CSTPP1: variants seen among roughly 807,000 people sequenced by gnomAD.
CSTPP1 encodes the protein centriolar satellite-associated tubulin polyglutamylase complex regulator 1.
At chr11:47,059,734 G>A in the CSTPP1 span, among the ~76,000 whole-genome samples, 5 of 152,260 alleles carry the variant, frequency 3.3e-5, no homozygotes, top group South Asian at 6.2e-4. Flanking sequence ...TGAGCAAAAT[G>A]TTTACATGTA....
the CSTPP1 span, among the ~76,000 whole-genome samples, chr11:47,068,429 G>A: frequency 2.0e-5 from 3 of 152,098 alleles, no homozygotes; most frequent in African/African-American, 7.2e-5. Context: ...CTACTCAGGA[G>A]GCTGAGGTGG....
the CSTPP1 span, among the ~76,000 whole-genome samples, chr11:46,975,786 GTCTT>G: frequency 6.6e-6 from 1 of 152,314 alleles, no homozygotes; most frequent in South Asian, 2.1e-4. Flanking sequence ...TGATCTGAAA[GTCTT>G]TCAACTTCTT....
At chr11:47,155,391 T>C in the CSTPP1 span, 34 of 832,628 alleles carry the variant, frequency 4.1e-5, no homozygotes, top group African/African-American at 5.4e-4. Flanking sequence ...TGTGCTTCAC[T>C]GCGGGTCGCT....
At chr11:47,033,045 G>T in the CSTPP1 span, among the ~76,000 whole-genome samples, 1 of 152,154 alleles carries the variant, frequency 6.6e-6, no homozygotes, top group Non-Finnish European at 1.5e-5. Context: ...TATTCATTAA[G>T]TTAAAGTGGA....
At chr11:47,058,620 A>G in the CSTPP1 span, among the ~76,000 whole-genome samples, 1 of 152,252 alleles carries the variant, frequency 6.6e-6, no homozygotes, top group Non-Finnish European at 1.5e-5. Flanking sequence ...ATAGCAATTA[A>G]CATTTATTAA....
At chr11:47,014,717 GAGAGAGAAAGAA>G in the CSTPP1 span, among the ~76,000 whole-genome samples, 1 of 136,582 alleles carries the variant, frequency 7.3e-6, no homozygotes, top group Non-Finnish European at 1.6e-5. Flanking sequence ...GAAAGAGAAA[GAGAGAGAAAGAA>G]AGAGAGAGAG....
chr11:47,068,970 G>A, the CSTPP1 span, among the ~76,000 whole-genome samples: 3 of 152,248 alleles, frequency 2.0e-5, no homozygotes, highest in African/African-American at 7.2e-5. Context: ...TATTTGTGGA[G>A]TAGGAGAAAT....
the CSTPP1 span, among the ~76,000 whole-genome samples, chr11:47,088,610 G>A: frequency 5.3e-5 from 8 of 152,210 alleles, no homozygotes; most frequent in Admixed American, 3.3e-4. Context: ...GCAATGGCAC[G>A]ATCTCAGCTC....
At chr11:47,099,360 G>T in the CSTPP1 span, among the ~76,000 whole-genome samples, 1 of 152,164 alleles carries the variant, frequency 6.6e-6, no homozygotes, top group Non-Finnish European at 1.5e-5. Flanking sequence ...TGGCACAAAT[G>T]AAGACTCGCT....
At chr11:47,073,639 A>T in the CSTPP1 span, among the ~76,000 whole-genome samples, 1 of 152,362 alleles carries the variant, frequency 6.6e-6, no homozygotes, top group South Asian at 2.1e-4. Flanking sequence ...TTTAGGCAGC[A>T]TGAGCGCTAA....
the CSTPP1 span, among the ~76,000 whole-genome samples, chr11:47,085,564 G>A: frequency 6.6e-6 from 1 of 152,110 alleles, no homozygotes; most frequent in Non-Finnish European, 1.5e-5. Flanking sequence ...TGCTTTAAAT[G>A]ATTTCAAGTT....
the CSTPP1 span, among the ~76,000 whole-genome samples, chr11:47,114,837 G>T: frequency 6.2e-3 from 946 of 152,264 alleles, 14 homozygotes; most frequent in African/African-American, 0.022. Context: ...TCTCTTGCCT[G>T]ATTGCCCTGG....
chr11:47,137,806 A>T, the CSTPP1 span: 1 of 1,441,490 alleles, frequency 6.9e-7, no homozygotes, highest in Non-Finnish European at 9.7e-7. Context: ...GAGTGTATAC[A>T]AATGAAAAAA....
At chr11:46,992,508 G>A in the CSTPP1 span, among the ~76,000 whole-genome samples, 10 of 151,188 alleles carry the variant, frequency 6.6e-5, no homozygotes, top group African/African-American at 2.4e-4. Flanking sequence ...CTCTCCTTGT[G>A]ACAGTTTGCT....
At chr11:47,098,768 A>T in the CSTPP1 span, among the ~76,000 whole-genome samples, 2 of 151,980 alleles carry the variant, frequency 1.3e-5, no homozygotes, top group Non-Finnish European at 2.9e-5. Flanking sequence ...TGTTTTGTTC[A>T]TTTTAAACAA....
chr11:47,015,251 G>A, the CSTPP1 span, among the ~76,000 whole-genome samples: 1 of 151,992 alleles, frequency 6.6e-6, no homozygotes, highest in South Asian at 2.1e-4. Context: ...GGGGGATCGC[G>A]AGGTCAGGAG....
chr11:47,082,297 T>C, the CSTPP1 span, among the ~76,000 whole-genome samples: 1 of 152,016 alleles, frequency 6.6e-6, no homozygotes, highest in Non-Finnish European at 1.5e-5. Flanking sequence ...GATTGATATA[T>C]TTTGTTGCAG....
chr11:47,163,138 C>T, the CSTPP1 span, among the ~76,000 whole-genome samples: 12 of 149,426 alleles, frequency 8.0e-5, no homozygotes, highest in African/African-American at 3.0e-4. Flanking sequence ...TGCCACTGCA[C>T]TCCCGTCTGA....
chr11:46,972,435 G>T, the CSTPP1 span, among the ~76,000 whole-genome samples: 2 of 152,178 alleles, frequency 1.3e-5, no homozygotes, highest in Admixed American at 1.3e-4. Context: ...GGATGGCAGT[G>T]CAGGGCTGGG....
Sources: gnomAD v4.1 joint callset for allele counts (sites outside exome capture counted in the v4.1 genomes callset) on GRCh38, gnomAD v4.1.1 for gene constraint, MANE v1.5 for transcripts, NCBI Gene and HGNC (gene_info 2026-07-23, HGNC 2026-07-21) for gene names.